Variants in NDUFAF5 observed in about 807,000 individuals in gnomAD.
NDUFAF5 encodes the protein NADH:ubiquinone oxidoreductase complex assembly factor 5.
In NDUFAF5, 34 loss-of-function variants were observed where a neutral mutation model predicts 48.9. The observed-to-expected ratio is 0.70, with a 90% CI of 0.53 to 0.93. The LOEUF is 0.93. NDUFAF5 is among the 40% of genes least tolerant of loss of function. The probability of loss-of-function intolerance (pLI) is 0.00; values close to 1 mark genes in which losing one functional copy is unlikely to be tolerated. For missense variants in NDUFAF5, 428 were observed against 427.5 expected, an observed-to-expected ratio of 1.00 and a Z score of -0.01; for synonymous variants, 153 against 150.6, an observed-to-expected ratio of 1.02 and a Z score of -0.12.
At chr20:13,815,210 A>T (rs1986321424) in intron 8 of NDUFAF5, among the ~76,000 whole-genome samples, 1 of 152,206 alleles carries the variant, frequency 6.6e-6, no homozygotes, top group Non-Finnish European at 1.5e-5. Flanking sequence ...ACCATACCTG[A>T]GCCAACAGAC....
chr20:13,789,078 C>T (rs763277735), intron 3 of NDUFAF5, among the ~76,000 whole-genome samples: 2 of 152,086 alleles, frequency 1.3e-5, no homozygotes, highest in Non-Finnish European at 2.9e-5. Flanking sequence ...TTGTATTTTG[C>T]ACTTTATAAT....
chr20:13,804,856 G>A (rs768526348), intron 7 of NDUFAF5, among the ~76,000 whole-genome samples: 10 of 152,100 alleles, frequency 6.6e-5, no homozygotes, highest in South Asian at 2.1e-4. Context: ...ACTTTAGACC[G>A]TTCAATAATA....
chr20:13,792,967 A>G (rs1982542368), intron 3 of NDUFAF5, among the ~76,000 whole-genome samples: 1 of 152,244 alleles, frequency 6.6e-6, no homozygotes, highest in Admixed American at 6.5e-5. Context: ...AATGTTGAAT[A>G]CGCATACTCA....
intron 3 of NDUFAF5, among the ~76,000 whole-genome samples, chr20:13,792,706 T>C (rs1348224476): frequency 6.6e-6 from 1 of 152,056 alleles, no homozygotes; most frequent in African/African-American, 2.4e-5. Flanking sequence ...AAGAAAGTGT[T>C]TTTCTGGTGC....
rs1462463029 is a variant in NDUFAF5, at chr20:13,817,844, G to A, written c.*634G>A. 2.2e-6 allele frequency: 1 copy of A among 453,882 alleles called. No homozygotes were observed. The highest frequency in any genetic ancestry group is 4.4e-6 in the Non-Finnish European group (1 of 226,778). The allele number at this position is 453,882 out of a possible 1,614,324, so 28.1% of individuals were successfully genotyped here. On this transcript the variant is annotated 3_prime_UTR_variant, in exon 11 of 11. Transcript: ENST00000378106. ...TGTTAAGCTTTCCTTTGTAATTTCA[G>A]GGCTTAAGCACTATTATCCTAATCC...
intron 3 of NDUFAF5, among the ~76,000 whole-genome samples, chr20:13,789,097 T>C (rs1286978046): frequency 6.6e-6 from 1 of 152,238 alleles, no homozygotes; most frequent in African/African-American, 2.4e-5. Flanking sequence ...ATTCAGACCA[T>C]GAAGACATTA....
At position 13,820,322 on chromosome 20, in the gene NDUFAF5, A is replaced by G. The variant is rs1321223497; in HGVS notation, c.*3112A>G. 1.3e-5 allele frequency: 2 copies of G among 152,302 alleles called. No homozygotes were observed. Among genetic ancestry groups the G allele is most frequent in the Non-Finnish European group, 1.5e-5 (1 of 68,034 alleles). 9.4% of individuals were successfully genotyped at this position (152,302 alleles called of 1,614,324 possible). A position where few individuals can be genotyped will look rare whatever the true frequency, so the allele number is the denominator to read the frequency against. Reference sequence around the variant, plus strand: ...TGAAGTACCTGTGAGGGAAGTTTATATATTTTTTCAAACTCTTTTAGTACC... The same window carrying G: ...TGAAGTACCTGTGAGGGAAGTTTATGTATTTTTTCAAACTCTTTTAGTACC... On this transcript the variant is annotated 3_prime_UTR_variant, in exon 11 of 11. Coordinates refer to ENST00000378106, the MANE Select transcript of NDUFAF5 (RefSeq NM_024120.5).
chr20:13,797,941 G>C (rs1983500698), intron 5 of NDUFAF5, among the ~76,000 whole-genome samples: 1 of 152,020 alleles, frequency 6.6e-6, no homozygotes, highest in Non-Finnish European at 1.5e-5. Flanking sequence ...TTTAAAAAAT[G>C]GGATATTATT....
chr20:13,787,084 T>G lies in NDUFAF5; in HGVS notation c.223-228T>G. Reference sequence around the variant, plus strand: ...ATATATATGTGTGTGTGTGTGTGTGTATATGTATATTTTTAAGAATATTTA... The same window carrying G: ...ATATATATGTGTGTGTGTGTGTGTGGATATGTATATTTTTAAGAATATTTA... On this transcript the variant is annotated intron_variant, in intron 1 of 10. Coordinates refer to ENST00000378106, the MANE Select transcript of NDUFAF5 (RefSeq NM_024120.5). The G allele has an allele frequency of 7.0e-6, 4 of 573,170 alleles. No individual in the cohort carries two copies. The South Asian group carries it at 7.6e-5, about 11-fold the overall frequency. 35.5% of individuals were successfully genotyped at this position (573,170 alleles called of 1,614,324 possible). A position where few individuals can be genotyped will look rare whatever the true frequency, so the allele number is the denominator to read the frequency against.
In NDUFAF5 at chr20:13,817,483, T is replaced by C. The variant is rs1254570461; in HGVS notation, c.*273T>C. The C allele has an allele frequency of 1.8e-6, 1 of 553,362 alleles. No homozygotes were observed. Among genetic ancestry groups the C allele is most frequent in the Admixed American group, 2.2e-5 (1 of 45,646 alleles). The allele number at this position is 553,362 out of a possible 1,614,324, so 34.3% of individuals were successfully genotyped here. ...AATATTTGCAAATAATGTTCACATA[T>C]GTAAATGCCTTGGAAAATATTACTC... is the stretch of plus-strand genomic sequence containing the variant. On this transcript the variant is annotated 3_prime_UTR_variant, in exon 11 of 11. Transcript: ENST00000378106.
chr20:13,808,133 C>A (rs541247166), intron 7 of NDUFAF5, among the ~76,000 whole-genome samples: 8 of 152,264 alleles, frequency 5.3e-5, no homozygotes, highest in Admixed American at 3.3e-4. Flanking sequence ...AAGATCACCA[C>A]AGCAAAAGAG....
Position 13,818,413 on chromosome 20 carries a change from G to T in NDUFAF5, c.*1203G>T. 3 of 323,196 alleles carry T rather than the reference G, an allele frequency of 9.3e-6. No homozygotes were observed. Among genetic ancestry groups the T allele is most frequent in the South Asian group, 2.5e-5 (1 of 40,052 alleles). The allele number at this position is 323,196 out of a possible 1,614,324, so 20.0% of individuals were successfully genotyped here. A position where few individuals can be genotyped will look rare whatever the true frequency, so the allele number is the denominator to read the frequency against. ...TTGTTTTAACACAAAGTAAACCTGT[G>T]AAGTAGAATTTGGCGTTTTGTTTTT... On this transcript the variant is annotated 3_prime_UTR_variant, in exon 11 of 11. Coordinates refer to ENST00000378106, the MANE Select transcript of NDUFAF5 (RefSeq NM_024120.5).
chr20:13,812,525 A>G (rs1319093465), intron 8 of NDUFAF5, among the ~76,000 whole-genome samples: 1 of 152,238 alleles, frequency 6.6e-6, no homozygotes, highest in East Asian at 1.9e-4. Flanking sequence ...TTCATGATTC[A>G]TTTCAAGAAA....
chr20:13,791,711 CAA>C (rs1436083993), intron 3 of NDUFAF5, among the ~76,000 whole-genome samples: 18 of 152,208 alleles, frequency 1.2e-4, no homozygotes, highest in African/African-American at 4.3e-4. Flanking sequence ...CCAGGCCTCA[CAA>C]GAGATGGGAA....
rs1027913803 is a variant in NDUFAF5 at position 13,817,793 on chromosome 20, C to G, written c.*583C>G. 1.1e-5 allele frequency: 5 copies of G among 453,508 alleles called. No homozygotes were observed. The highest frequency in any genetic ancestry group is 2.2e-5 in the Non-Finnish European group (5 of 226,664). 28.1% of individuals were successfully genotyped at this position (453,508 alleles called of 1,614,324 possible). ...ATACCAGAAGTAGAATCACATGTAA[C>G]AGTCTCTGCACAGTCATCAGTTTAT... On this transcript the variant is annotated 3_prime_UTR_variant, in exon 11 of 11. Coordinates refer to ENST00000378106, the MANE Select transcript of NDUFAF5 (RefSeq NM_024120.5).
chr20:13,790,891 C>T (rs1982173104), intron 3 of NDUFAF5, among the ~76,000 whole-genome samples: 1 of 152,164 alleles, frequency 6.6e-6, no homozygotes, highest in Admixed American at 6.5e-5. Context: ...GAAAATAGTG[C>T]CCCTGCTTTC....
At chr20:13,788,342 G>A (rs1252660858) in intron 2 of NDUFAF5, among the ~76,000 whole-genome samples, 6 of 151,888 alleles carry the variant, frequency 4.0e-5, no homozygotes, top group African/African-American at 1.2e-4. Context: ...TCTGTTCTTC[G>A]AGTCCACATC....
At chr20:13,788,726 A>G in intron 3 of NDUFAF5, 74 bp downstream of exon 3, 1 of 964,986 alleles carries the variant, frequency 1.0e-6, no homozygotes, top group Non-Finnish European at 1.6e-6. Flanking sequence ...TTTCCTAATC[A>G]GTTTAGCTTG....
intron 3 of NDUFAF5, among the ~76,000 whole-genome samples, chr20:13,792,135 G>T (rs377653686): frequency 6.6e-6 from 1 of 152,208 alleles, no homozygotes; most frequent in Non-Finnish European, 1.5e-5. Context: ...AAATTTTCAA[G>T]TGAGAGACAG....
Sources: allele counts gnomAD v4.1 joint callset (sites outside exome capture counted in the v4.1 genomes callset), GRCh38; gene constraint gnomAD v4.1.1; transcripts MANE v1.5; gene names NCBI Gene and HGNC (gene_info 2026-07-23, HGNC 2026-07-21).